Variants in BRD2 observed in about 807,000 individuals in gnomAD.
BRD2 encodes bromodomain containing 2.
Under a neutral mutation model 79.1 loss-of-function variants are expected in BRD2, and 15 were observed. The observed-to-expected ratio is 0.19, with a 90% CI of 0.13 to 0.29. BRD2 has a LOEUF of 0.29. Among genes scored for constraint, BRD2 ranks in the 10% least tolerant of loss-of-function variants. The pLI is 1.00. For missense variants in BRD2, 1,053 were observed against 991.3 expected (o/e 1.06, Z -0.84); for synonymous variants, 488 against 358.6 (o/e 1.36, Z -4.08).
At position 32,980,455 on chromosome 6, in the gene BRD2, C is replaced by T. The variant is rs914197408; in HGVS notation, c.2260C>T (p.Pro754Ser). ...ACAGCTCAATTCTACTAAAAAGCCC[C>T]CCAAGAAAGGTGAGTATATACTTTC... is the stretch of plus-strand genomic sequence containing the variant. ...SGQLNSTKKP[P>S]KKANEKTESS... is the part of the protein sequence containing the mutation. Residue 754 changes from proline (P) to serine (S), a missense_variant, in exon 12 of 13, where the codon CCC becomes TCC. Transcript: ENST00000374825. 6.2e-7 allele frequency: 1 copy of T among 1,612,956 alleles called. No individual in the cohort carries two copies. Among genetic ancestry groups the T allele is most frequent in the Non-Finnish European group, 8.5e-7 (1 of 1,180,014 alleles).
intron 1 of BRD2, 184 bp downstream of exon 1, chr6:32,969,240 A>T (rs1163645437): frequency 4.7e-6 from 2 of 422,692 alleles, no homozygotes; most frequent in Middle Eastern, 5.4e-4. Flanking sequence ...ATGGGGGGGG[A>T]GGGGAATGGC....
chr6:32,978,530 C>G (rs1429908985), intron 10 of BRD2, 142 bp downstream of exon 10: 2 of 1,378,730 alleles, frequency 1.5e-6, no homozygotes, highest in Non-Finnish European at 1.9e-6. Context: ...CTTTTTGGCA[C>G]CAGGGACCAG....
In BRD2 at chr6:32,972,728, G is replaced by A; in HGVS notation, c.-171G>A. 1.0e-6 allele frequency: 1 copy of A among 957,188 alleles called. No individual in the cohort carries two copies. Among genetic ancestry groups the A allele is most frequent in the Admixed American group, 2.2e-5 (1 of 46,132 alleles). 59.3% of individuals were successfully genotyped at this position (957,188 alleles called of 1,614,324 possible). A position where few individuals can be genotyped will look rare whatever the true frequency, so the allele number is the denominator to read the frequency against. On this transcript the variant is annotated 5_prime_UTR_variant, in exon 2 of 13. Transcript: ENST00000374825. ...CAAGCTGCCCGGAGCTCTCCGAGAG[G>A]CCCCAAAGAGACTGCTTTCGTGCCG...
chr6:32,974,462 G>T lies in BRD2; in HGVS notation c.30G>T (p.Lys10Asn), dbSNP rs748209924. The T allele has an allele frequency of 2.5e-6, 4 of 1,606,548 alleles. No individual in the cohort carries two copies. Among genetic ancestry groups the T allele is most frequent in the Non-Finnish European group, 3.4e-6 (4 of 1,174,424 alleles). Residue 10 changes from lysine (K) to asparagine (N), a missense_variant and splice_region_variant, in exon 3 of 13, where the codon AAG (lysine) becomes AAT (asparagine). Coordinates refer to ENST00000374825, the MANE Select transcript of BRD2 (RefSeq NM_005104.4). ...CCTAATTTTGTTCCCATCTTTACAG[G>T]CTCCCTGGGGAAGGGAATGCAGGGT... MLQNVTPHN[K>N]LPGEGNAGLL...
rs745759908 is a variant in BRD2, at chr6:32,976,117, G to A, written c.558G>A (p.Glu186=). The A allele has an allele frequency of 6.2e-7, 1 of 1,613,012 alleles. No homozygotes were observed. The stretch of plus-strand genomic sequence containing the variant: ...CATCAATGCCACAAGAAGAACAAGA[G>A]CTGGTAGTGACCATCCCTAAGAACA... ...KVASMPQEEQ[E]LVVTIPKNSH... Residue 186 remains glutamate, a synonymous_variant, in exon 5 of 13, where the codon GAG becomes GAA. Transcript: ENST00000374825.
At position 32,975,092 on chromosome 6, in the gene BRD2, C is replaced by T. The variant is rs764124096; in HGVS notation, c.334-292C>T. Reference sequence around the variant, plus strand: ...GCTTCTTCCTTTCCCTCATGCAGCCCATGGATAGCCAGCCCCAGAGGTAAT... The same window carrying T: ...GCTTCTTCCTTTCCCTCATGCAGCCTATGGATAGCCAGCCCCAGAGGTAAT... On this transcript the variant is annotated intron_variant, in intron 3 of 12. Transcript: ENST00000374825. The T allele has an allele frequency of 1.7e-5, 26 of 1,511,096 alleles. 1 individual carries two copies. In the Middle Eastern group the frequency reaches 1.0e-3, roughly 59 times the overall value. 93.6% of individuals were successfully genotyped at this position (1,511,096 alleles called of 1,614,324 possible). A position where few individuals can be genotyped will look rare whatever the true frequency, so the allele number is the denominator to read the frequency against.
rs908708682 is a variant in BRD2 at position 32,969,010 on chromosome 6, A to C, written c.-1351A>C. The C allele has an allele frequency of 2.6e-5, 8 of 310,562 alleles. No individual in the cohort carries two copies. In the Admixed American group the frequency reaches 3.2e-4, roughly 12 times the overall value. 19.2% of individuals were successfully genotyped at this position (310,562 alleles called of 1,614,324 possible). A position where few individuals can be genotyped will look rare whatever the true frequency, so the allele number is the denominator to read the frequency against. On this transcript the variant is annotated 5_prime_UTR_variant, in exon 1 of 13. Transcript: ENST00000374825. The stretch of plus-strand genomic sequence containing the variant: ...CACCCCGGATTACATACCCCGTACC[A>C]AGCCGAGGGCAACTTTGGAGGCCCC...
intron 2 of BRD2, among the ~76,000 whole-genome samples, chr6:32,973,400 C>T (rs1778298439): frequency 6.6e-6 from 1 of 152,086 alleles, no homozygotes; most frequent in African/African-American, 2.4e-5. Context: ...TGTGCAGGTT[C>T]CTAATGCCCA....
chr6:32,974,636 T>C lies in BRD2; in HGVS notation c.204T>C (p.Asn68=). 1.2e-6 allele frequency: 2 copies of C among 1,614,068 alleles called. No homozygotes were observed. The highest frequency in any genetic ancestry group is 1.6e-4 in the Middle Eastern group (1 of 6,062). The part of the protein sequence containing the change: ...PANPPPPEVS[N]PKKPGRVTNQ... ...ACCCACCACCCCCGGAGGTGTCCAA[T>C]CCCAAAAAGCCAGGACGAGTTACCA... The change falls in exon 3 of 13, where the codon AAT becomes AAC. Residue 68 remains asparagine (N), a synonymous_variant. Transcript: ENST00000374825.
rs1392719128 is a variant in BRD2, at chr6:32,980,898, A to G, written c.*180A>G. On this transcript the variant is annotated 3_prime_UTR_variant, in exon 13 of 13. Coordinates refer to ENST00000374825, the MANE Select transcript of BRD2 (RefSeq NM_005104.4). ...CAGGGACATTTACTGAAGGAGGGAC[A>G]TGGACAAAACAACATTGAATTCCCA... The G allele has an allele frequency of 1.8e-5, 13 of 709,412 alleles. No individual in the cohort carries two copies. Among genetic ancestry groups the G allele is most frequent in the Non-Finnish European group, 3.0e-5 (13 of 435,904 alleles). 43.9% of individuals were successfully genotyped at this position (709,412 alleles called of 1,614,324 possible).
rs1472781875 is a variant in BRD2, at chr6:32,980,643, C to G, written c.2331C>G (p.Ser777=). The G allele has an allele frequency of 1.1e-5, 18 of 1,613,042 alleles. No homozygotes were observed. The highest frequency in any genetic ancestry group is 1.5e-5 in the Non-Finnish European group (18 of 1,180,028). The change falls in exon 13 of 13, where the codon TCC becomes TCG. Residue 777 remains serine, a synonymous_variant. Transcript: ENST00000374825. ...QQVAVSRLSA[S]SSSSDSSSSS... ...TAGCAGTGTCACGCCTTAGCGCTTC[C>G]AGCTCCAGCTCAGATTCCAGCTCCT... is the stretch of plus-strand genomic sequence containing the variant.
At chr6:32,979,697 TACTTGGCCATTGAATGGAAAA>T in intron 10 of BRD2, 110 bp from the exon 11 acceptor site, 1 of 1,081,166 alleles carries the variant, frequency 9.2e-7, no homozygotes, top group Non-Finnish European at 1.3e-6. Flanking sequence ...GCCCACCTCT[TACTTGGCCATTGAATGGAAAA>T]ACAGAAGCTC....
chr6:32,971,426 C>A (rs1206064253), intron 1 of BRD2, among the ~76,000 whole-genome samples, 169 bp from the exon 2 acceptor site: 1 of 152,204 alleles, frequency 6.6e-6, no homozygotes, highest in East Asian at 1.9e-4. Flanking sequence ...GTCTTTCCAT[C>A]GTTTGGCTTG....
intron 8 of BRD2, 91 bp from the exon 9 acceptor site, chr6:32,977,666 G>A (rs1176280524): frequency 2.5e-6 from 4 of 1,602,874 alleles, no homozygotes; most frequent in Non-Finnish European, 3.4e-6. Flanking sequence ...TCACTGTTCT[G>A]TACAGTTGTA....
At chr6:32,973,175 C>G (rs761933919) in intron 2 of BRD2, 1 of 1,537,996 alleles carries the variant, frequency 6.5e-7, no homozygotes, top group Non-Finnish European at 8.8e-7. Flanking sequence ...CCAGTCTTAA[C>G]CGAGTCAGGC....
Position 32,977,817 on chromosome 6 carries a change from C to G in BRD2, c.1390C>G (p.Pro464Ala), listed in dbSNP as rs773325794. Reference protein sequence around the residue: ...PDEPLEPGPLPVSTAMPPGLA... With the variant: ...PDEPLEPGPLAVSTAMPPGLA... ...TGAACCACTAGAACCAGGGCCTTTA[C>G]CAGTCTCTACTGCCATGCCCCCTGG... Residue 464 changes from proline (P) to alanine (A), a missense_variant, in exon 9 of 13, where the codon CCA (proline) becomes GCA (alanine). By Grantham distance (27) the Pro-to-Ala change is conservative. Transcript: ENST00000374825. 1.9e-6 allele frequency: 3 copies of G among 1,612,978 alleles called. No homozygotes were observed. The highest frequency in any genetic ancestry group is 2.5e-6 in the Non-Finnish European group (3 of 1,180,050).
In BRD2 at chr6:32,976,264, G is replaced by C; in HGVS notation, c.625G>C (p.Val209Leu). Reference sequence around the variant, plus strand: ...CTTTTTTCTAGCGCTCCAGGGCAGTGTTACCAGTGCCCATCAGGTGCCTGC... The same window carrying C: ...CTTTTTTCTAGCGCTCCAGGGCAGTCTTACCAGTGCCCATCAGGTGCCTGC... ...GAKLAALQGSVTSAHQVPAVS... is the reference protein window; with the variant it reads ...GAKLAALQGSLTSAHQVPAVS... Residue 209 changes from valine (V) to leucine (L), a missense_variant, in exon 6 of 13, where the codon GTT becomes CTT. By Grantham distance (32) the Val-to-Leu change is conservative. This residue lies in a region of BRD2 where 413 missense variants were observed against 335.1 expected (regional missense o/e 1.23). Transcript: ENST00000374825. 1 of 1,612,986 alleles carries C rather than the reference G, an allele frequency of 6.2e-7. No homozygotes were observed. Among genetic ancestry groups the C allele is most frequent in the South Asian group, 1.1e-5 (1 of 91,074 alleles).
At position 32,973,023 on chromosome 6, in the gene BRD2, G is replaced by T. The variant is rs1289995182; in HGVS notation, c.29+96G>T. 7 of 1,612,446 alleles carry T rather than the reference G, an allele frequency of 4.3e-6. No individual in the cohort carries two copies. The African/African-American group carries it at 9.3e-5, about 22-fold the overall frequency. Reference sequence around the variant, plus strand: ...GTTGGGAGTACTGAGCGGCCCCGGCGCGCTGCTGTTGCGGCGCAGCTGTCG... The same window carrying T: ...GTTGGGAGTACTGAGCGGCCCCGGCTCGCTGCTGTTGCGGCGCAGCTGTCG... On this transcript the variant is annotated intron_variant, in intron 2 of 12. Transcript: ENST00000374825.
At chr6:32,975,551 G>A (rs748821900) in intron 4 of BRD2, 30 bp downstream of exon 4, 10 of 1,608,202 alleles carry the variant, frequency 6.2e-6, no homozygotes, top group South Asian at 4.4e-5. Context: ...CATTTAGTAG[G>A]TGGGGAGAAA....
Sources: allele counts gnomAD v4.1 joint callset (sites outside exome capture counted in the v4.1 genomes callset), GRCh38; gene constraint gnomAD v4.1.1; regional missense constraint gnomAD v4.1.1; transcripts MANE v1.5; gene names NCBI Gene and HGNC (gene_info 2026-07-23, HGNC 2026-07-21).